CRYBG3: variants seen among roughly 807,000 people sequenced by gnomAD.
The protein encoded by CRYBG3 is crystallin beta-gamma domain containing 3, also known as very large A-kinase anchor protein.
CRYBG3 carries 127 observed loss-of-function variants against 244.2 expected under a neutral mutation model. The observed-to-expected ratio is 0.52, with a 90% CI of 0.45 to 0.60. The LOEUF (loss-of-function observed/expected upper bound fraction) is 0.60. CRYBG3 is among the 20% of genes least tolerant of loss of function. The pLI, the probability that CRYBG3 is intolerant of heterozygous loss-of-function variation, is 0.00. For missense variants in CRYBG3, 3,325 were observed against 3,442.5 expected, an observed-to-expected ratio of 0.97 and a Z score of 0.85; for synonymous variants, 1,132 against 1,195.8, an observed-to-expected ratio of 0.95 and a Z score of 1.10.
chr3:97,899,604 T>C (rs555320078), intron 14 of CRYBG3, among the ~76,000 whole-genome samples: 1 of 152,218 alleles, frequency 6.6e-6, no homozygotes, highest in East Asian at 1.9e-4. Context: ...CAATTAATGA[T>C]AGTATGATTA....
chr3:97,941,292 C>T lies in CRYBG3; in HGVS notation c.8650C>T (p.Leu2884Phe). ...NTQIWYYCRG[L>F]FKSKASDTCL... ...TCAGATCTGGTACTACTGCCGAGGACTCTTTAAATCCAAGGTAAGCAATCC... is the reference window on the plus strand; with the variant it reads ...TCAGATCTGGTACTACTGCCGAGGATTCTTTAAATCCAAGGTAAGCAATCC... Residue 2884 changes from leucine (L) to phenylalanine (F), a missense_variant, in exon 20 of 22, where the codon CTC becomes TTC. Physicochemically the swap from Leu to Phe is conservative, Grantham distance 22. Coordinates refer to ENST00000389622, the MANE Select transcript of CRYBG3 (RefSeq NM_153605.4). 6.2e-7 allele frequency: 1 copy of T among 1,607,324 alleles called. No homozygotes were observed. Among genetic ancestry groups the T allele is most frequent in the Non-Finnish European group, 8.5e-7 (1 of 1,176,144 alleles).
intron 17 of CRYBG3, among the ~76,000 whole-genome samples, chr3:97,928,335 A>T (rs75657204): frequency 0.021 from 3,232 of 152,160 alleles, 41 homozygotes; most frequent in Admixed American, 0.032. Context: ...GTTTTCAATT[A>T]TAAGTAGAAG....
At chr3:97,906,159 C>T (rs201421665) in intron 15 of CRYBG3, among the ~76,000 whole-genome samples, 3 of 148,096 alleles carry the variant, frequency 2.0e-5, no homozygotes, top group South Asian at 4.3e-4. Flanking sequence ...CTTGTAGTAT[C>T]GTTTGAAGTC....
intron 19 of CRYBG3, among the ~76,000 whole-genome samples, chr3:97,937,838 T>C (rs1274258107): frequency 1.3e-5 from 2 of 152,074 alleles, no homozygotes; most frequent in Admixed American, 1.3e-4. Context: ...ATGCAAAGTA[T>C]AATGGAAAAT....
At chr3:97,912,346 T>G (rs2039881909) in intron 16 of CRYBG3, 70 bp downstream of exon 16, 1 of 733,788 alleles carries the variant, frequency 1.4e-6, no homozygotes, top group Non-Finnish European at 2.2e-6. Flanking sequence ...CAGAGATATA[T>G]TTTTTGCATG....
intron 10 of CRYBG3, among the ~76,000 whole-genome samples, chr3:97,890,339 T>C (rs572325360): frequency 3.9e-5 from 6 of 152,212 alleles, no homozygotes; most frequent in South Asian, 2.1e-4. Flanking sequence ...GTAAAAGATG[T>C]ACAATTAGCT....
At chr3:97,942,072 T>G (rs1293855985) in intron 20 of CRYBG3, 2 of 357,530 alleles carry the variant, frequency 5.6e-6, no homozygotes, top group Admixed American at 4.6e-5. Context: ...GTACCTCTAT[T>G]TCAGTTGGTT....
rs766206092 is a variant in CRYBG3 at position 97,877,326 on chromosome 3, T to C, written c.6132T>C (p.Ser2044=). 8.1e-6 allele frequency: 13 copies of C among 1,613,658 alleles called. No homozygotes were observed. In the South Asian group the frequency reaches 1.1e-4, roughly 14 times the overall value. ...MPVLACERSE[S]RTDLVHHFEK... Reference sequence around the variant, plus strand: ...TTCTGGCATGTGAAAGGTCTGAGAGTAGAACTGACCTTGTCCATCACTTTG... The same window carrying C: ...TTCTGGCATGTGAAAGGTCTGAGAGCAGAACTGACCTTGTCCATCACTTTG... The change falls in exon 4 of 22, where the codon AGT becomes AGC. Residue 2044 remains serine (S), a synonymous_variant. Coordinates refer to ENST00000389622, the MANE Select transcript of CRYBG3 (RefSeq NM_153605.4).
chr3:97,871,977 T>C lies in CRYBG3; in HGVS notation c.783T>C (p.Ser261=). Residue 261 remains serine (S), a synonymous_variant, in exon 4 of 22, where the codon TCT becomes TCC. Transcript: ENST00000389622. Reference sequence around the variant, plus strand: ...CCTTGGACAGAGAAAATGAAAGTTCTGACTCTAGTACAAACAGACACATTG... The same window carrying C: ...CCTTGGACAGAGAAAATGAAAGTTCCGACTCTAGTACAAACAGACACATTG... ...VNTLDRENES[S]DSSTNRHIDP... 1 of 1,535,902 alleles carries C rather than the reference T, an allele frequency of 6.5e-7. No individual in the cohort carries two copies. The highest frequency in any genetic ancestry group is 1.2e-5 in the South Asian group (1 of 84,048).
chr3:97,887,117 C>T (rs560095188), intron 8 of CRYBG3, among the ~76,000 whole-genome samples: 1 of 152,176 alleles, frequency 6.6e-6, no homozygotes. Context: ...TCTGTGGTAT[C>T]AGGCACATAT....
intron 2 of CRYBG3, among the ~76,000 whole-genome samples, chr3:97,862,102 A>ATTT (rs2039158998): frequency 4.0e-5 from 6 of 151,322 alleles, no homozygotes; most frequent in African/African-American, 1.5e-4. Flanking sequence ...TTTTTTTTTA[A>ATTT]AAAATTATTT....
At position 97,915,735 on chromosome 3, in the gene CRYBG3, A is replaced by C. The variant is rs369517726; in HGVS notation, c.8240A>C (p.Tyr2747Ser). The C allele has an allele frequency of 6.2e-7, 1 of 1,602,188 alleles. No homozygotes were observed. Among genetic ancestry groups the C allele is most frequent in the Non-Finnish European group, 8.5e-7 (1 of 1,171,950 alleles). Residue 2747 changes from tyrosine to serine, a missense_variant and splice_region_variant, in exon 17 of 22, where the codon TAT (tyrosine) becomes TCT (serine). By Grantham distance (144) the Tyr-to-Ser change is moderately radical. Transcript: ENST00000389622. ...GTCAAATCTCTCAAGCCCATTGACT[A>C]TGTAAGTACTTTGCAAAATGCATAC... Reference protein sequence around the residue: ...SKVKSLKPIDYVFEEPSISLF... With the variant: ...SKVKSLKPIDSVFEEPSISLF...
intron 11 of CRYBG3, among the ~76,000 whole-genome samples, chr3:97,895,396 T>C (rs892754769): frequency 6.6e-6 from 1 of 152,194 alleles, no homozygotes; most frequent in African/African-American, 2.4e-5. Flanking sequence ...GATGTCCTTG[T>C]ATACATGTAG....
chr3:97,872,553 A>G lies in CRYBG3; in HGVS notation c.1359A>G (p.Thr453=). The G allele has an allele frequency of 6.5e-7, 1 of 1,536,014 alleles. No homozygotes were observed. Among genetic ancestry groups the G allele is most frequent in the South Asian group, 1.2e-5 (1 of 84,056 alleles). Residue 453 remains threonine, a synonymous_variant, in exon 4 of 22, where the codon ACA becomes ACG. Transcript: ENST00000389622. The stretch of plus-strand genomic sequence containing the variant: ...GTGACACTACTGAGCAGGAAAGTAC[A>G]AATTTGCCAAGTCCAAATAAATCAA... The part of the protein sequence containing the change: ...DGSDTTEQES[T]NLPSPNKSIR...
intron 3 of CRYBG3, among the ~76,000 whole-genome samples, chr3:97,864,871 G>C (rs1470084876): frequency 6.6e-6 from 1 of 152,018 alleles, no homozygotes; most frequent in African/African-American, 2.4e-5. Context: ...CTTAGTAAAA[G>C]ATTCTTTTTT....
Position 97,839,735 on chromosome 3 carries a change from G to A in CRYBG3, c.150-3460G>A, listed in dbSNP as rs193127571. On this transcript the variant is annotated intron_variant, in intron 1 of 21. Transcript: ENST00000389622. ...CCTGAATAGCTGGGACTACAAACACGTACCACCATGCCCAGCCCCCTTTTT... is the reference window on the plus strand; with the variant it reads ...CCTGAATAGCTGGGACTACAAACACATACCACCATGCCCAGCCCCCTTTTT... Among the ~76,000 whole-genome samples, 30 of 150,374 alleles carry A rather than the reference G, an allele frequency of 2.0e-4. No homozygotes were observed. In the South Asian group the frequency reaches 3.0e-3, roughly 15 times the overall value.
At position 97,898,343 on chromosome 3, in the gene CRYBG3, T is replaced by A. The variant is rs1388771188; in HGVS notation, c.7702-540T>A. ...CTCTTTCATGAGCTGTCTTTGTCTT[T>A]TGCCGGTTTATCTGTTTGAGTCATA... On this transcript the variant is annotated intron_variant, in intron 12 of 21. Coordinates refer to ENST00000389622, the MANE Select transcript of CRYBG3 (RefSeq NM_153605.4). Among the ~76,000 whole-genome samples the A allele has an allele frequency of 2.0e-5, 3 of 152,212 alleles. No homozygotes were observed. The East Asian group carries it at 5.8e-4, about 29-fold the overall frequency.
chr3:97,872,891 A>G lies in CRYBG3; in HGVS notation c.1697A>G (p.Lys566Arg). The change falls in exon 4 of 22, where the codon AAA (lysine) becomes AGA (arginine). Residue 566 changes from lysine (K) to arginine (R), a missense_variant. This residue lies in a region of CRYBG3 where 1,526 missense variants were observed against 1,443.2 expected (regional missense o/e 1.06). Coordinates refer to ENST00000389622, the MANE Select transcript of CRYBG3 (RefSeq NM_153605.4). ...GATACTGACCAATACTTTGAAACCA[A>G]AGCCAAAAAGCTTGATTTTAGGTCA... is the stretch of plus-strand genomic sequence containing the variant. ...PKDTDQYFETKAKKLDFRSHD... is the reference protein window; with the variant it reads ...PKDTDQYFETRAKKLDFRSHD... 1 of 1,530,722 alleles carries G rather than the reference A, an allele frequency of 6.5e-7. No homozygotes were observed. The allele number at this position is 1,530,722 out of a possible 1,614,324, so 94.8% of individuals were successfully genotyped here.
rs146602968 is a variant in CRYBG3 at position 97,864,737 on chromosome 3, T to C, written c.647+90T>C. On this transcript the variant is annotated intron_variant, in intron 3 of 21. Transcript: ENST00000389622. ...GCTTTAATCCTAGTAATTGGTGGGA[T>C]TGGAAAAGATATTCTGTAGTGTCCC... 9.6e-5 allele frequency: 82 copies of C among 856,016 alleles called. 1 individual carries two copies. The highest frequency in any genetic ancestry group is 6.6e-4 in the South Asian group (36 of 54,712). The allele number at this position is 856,016 out of a possible 1,614,324, so 53.0% of individuals were successfully genotyped here.
Sources: gnomAD v4.1 joint callset for allele counts (sites outside exome capture counted in the v4.1 genomes callset) on GRCh38, gnomAD v4.1.1 for gene constraint, gnomAD v4.1.1 regional missense constraint, MANE v1.5 for transcripts, NCBI Gene and HGNC (gene_info 2026-07-23, HGNC 2026-07-21) for gene names.